The following CD47 variants were observed in gnomAD, a reference collection of about 807,000 sequenced individuals.
CD47 encodes the protein leukocyte surface antigen CD47.
In CD47, 11 loss-of-function variants were observed where a neutral mutation model predicts 44.6. The ratio of observed to expected loss-of-function variants is 0.25; its 90% CI spans 0.16 to 0.41. The LOEUF (loss-of-function observed/expected upper bound fraction) is 0.41. CD47 is among the 10% of genes least tolerant of loss of function. The probability of loss-of-function intolerance (pLI) is 1.00; values close to 1 mark genes in which losing one functional copy is unlikely to be tolerated. For synonymous variants in CD47, 140 were observed against 136.3 expected, an observed-to-expected ratio of 1.03 and a Z score of -0.19; for missense variants, 306 against 386.7, an observed-to-expected ratio of 0.79 and a Z score of 1.75.
intron 1 of CD47, among the ~76,000 whole-genome samples, chr3:108,080,913 T>C (rs2079405330): frequency 6.6e-6 from 1 of 151,774 alleles, no homozygotes; most frequent in Non-Finnish European, 1.5e-5. Context: ...TCCACTAGGA[T>C]GGAAAATCTT....
intron 7 of CD47, chr3:108,055,519 C>T (rs1373637560): frequency 7.7e-7 from 1 of 1,300,804 alleles, no homozygotes; most frequent in African/African-American, 1.5e-5. Flanking sequence ...CTTTCCTGTA[C>T]CTTGTCTCTT....
At chr3:108,051,055 C>T (rs1313768248) in intron 8 of CD47, among the ~76,000 whole-genome samples, 3 of 152,236 alleles carry the variant, frequency 2.0e-5, no homozygotes, top group Admixed American at 6.5e-5. Flanking sequence ...TTGTGACCAA[C>T]ATAGCTATGG....
At chr3:108,076,890 T>C (rs762642320) in intron 2 of CD47, among the ~76,000 whole-genome samples, 4 of 152,206 alleles carry the variant, frequency 2.6e-5, no homozygotes. Flanking sequence ...CCATCTTTAC[T>C]GTACTAAGAA....
At chr3:108,067,504 A>G (rs929670494) in intron 3 of CD47, among the ~76,000 whole-genome samples, 1 of 152,236 alleles carries the variant, frequency 6.6e-6, no homozygotes, top group Non-Finnish European at 1.5e-5. Context: ...ACTTAAAATG[A>G]TATCAGAGTG....
chr3:108,059,948 C>T (rs747909568), intron 4 of CD47, among the ~76,000 whole-genome samples: 13 of 152,174 alleles, frequency 8.5e-5, no homozygotes, highest in Non-Finnish European at 1.6e-4. Flanking sequence ...CTGCCAAGCC[C>T]ATGTTCCTAA....
intron 4 of CD47, 95 bp downstream of exon 4, chr3:108,060,650 T>C: frequency 2.6e-6 from 2 of 779,612 alleles, no homozygotes; most frequent in Non-Finnish European, 4.4e-6. Flanking sequence ...TGTGGTCATC[T>C]GTTCCAACAG....
Position 108,044,415 on chromosome 3 carries a change from CAAAAAAAAAAAAAAAAAAAAA to C in CD47, c.*2852_*2872del, listed in dbSNP as rs55777019. 1 of 34,106 alleles carries C rather than the reference CAAAAAAAAAAAAAAAAAAAAA, an allele frequency of 2.9e-5. No homozygotes were observed. Among genetic ancestry groups the C allele is most frequent in the Non-Finnish European group, 6.3e-5 (1 of 15,942 alleles). 2.1% of individuals were successfully genotyped at this position (34,106 alleles called of 1,614,324 possible). On this transcript the variant is annotated 3_prime_UTR_variant, in exon 11 of 11. Transcript: ENST00000361309. ...GGTTTTTAGAGCATGTGAAATTAGTCAAAAAAAAAAAAAAAAAAAAAAAAAAAAAAAACAAAAAAAAAAAAC... is the reference window on the plus strand; with the variant it reads ...GGTTTTTAGAGCATGTGAAATTAGTCAAAAAAAAAAACAAAAAAAAAAAAC...
chr3:108,052,750 T>C (rs2078850255), intron 7 of CD47: 2 of 152,384 alleles, frequency 1.3e-5, no homozygotes, highest in African/African-American at 2.4e-5. Flanking sequence ...AGCTCAGGCA[T>C]TCAAGACCAG....
At chr3:108,069,560 T>C (rs2079161620) in intron 3 of CD47, among the ~76,000 whole-genome samples, 1 of 151,408 alleles carries the variant, frequency 6.6e-6, no homozygotes, top group Admixed American at 6.6e-5. Flanking sequence ...CGAGGTGTTC[T>C]AAAGTGATAT....
chr3:108,083,770 T>C (rs1369556), intron 1 of CD47, among the ~76,000 whole-genome samples: 4,572 of 152,086 alleles, frequency 0.03, 214 homozygotes, highest in African/African-American at 0.097. Flanking sequence ...TTCTGCCCTT[T>C]ATCCCATACT....
intron 3 of CD47, among the ~76,000 whole-genome samples, chr3:108,070,318 G>T (rs1037765133): frequency 1.2e-4 from 19 of 152,122 alleles, no homozygotes; most frequent in Admixed American, 3.3e-4. Flanking sequence ...AAGGAAAGAA[G>T]GAATAAATCT....
Position 108,047,214 on chromosome 3 carries a change from A to G in CD47, c.*74T>C. 8.0e-7 allele frequency: 1 copy of G among 1,253,446 alleles called. No individual in the cohort carries two copies. Among genetic ancestry groups the G allele is most frequent in the Non-Finnish European group, 1.2e-6 (1 of 866,536 alleles). 77.6% of individuals were successfully genotyped at this position (1,253,446 alleles called of 1,614,324 possible). A position where few individuals can be genotyped will look rare whatever the true frequency, so the allele number is the denominator to read the frequency against. Reference sequence around the variant, plus strand: ...TCCCCAACAGTGAATCATCAAGGCCATGGTGCTTAAACACAAGTGTATTCC... The same window carrying G: ...TCCCCAACAGTGAATCATCAAGGCCGTGGTGCTTAAACACAAGTGTATTCC... On this transcript the variant is annotated 3_prime_UTR_variant, in exon 11 of 11. Transcript: ENST00000361309.
intron 4 of CD47, among the ~76,000 whole-genome samples, chr3:108,060,483 C>T (rs1478503990): frequency 6.6e-6 from 1 of 152,198 alleles, no homozygotes; most frequent in Non-Finnish European, 1.5e-5. Flanking sequence ...GAATGATAAA[C>T]ACTGTCATTC....
intron 3 of CD47, 64 bp downstream of exon 3, chr3:108,071,029 A>G (rs998174502): frequency 1.4e-6 from 1 of 703,462 alleles, no homozygotes; most frequent in Non-Finnish European, 2.4e-6. Flanking sequence ...TTTCGCTGAC[A>G]ATGTCTCGTA....
At position 108,090,937 on chromosome 3, in the gene CD47, C is replaced by T. The variant is rs1263153188; in HGVS notation, c.-29G>A. On this transcript the variant is annotated 5_prime_UTR_variant, in exon 1 of 11. Coordinates refer to ENST00000361309, the MANE Select transcript of CD47 (RefSeq NM_001777.4). ...CGCGCCCGCCGCGGGGTCGCCGCCG[C>T]CGCCGCAGGTGTCCGGAGCAGCAGC... 1.4e-6 allele frequency: 2 copies of T among 1,456,056 alleles called. No homozygotes were observed. The highest frequency in any genetic ancestry group is 1.8e-6 in the Non-Finnish European group (2 of 1,104,046). 90.2% of individuals were successfully genotyped at this position (1,456,056 alleles called of 1,614,324 possible).
At chr3:108,052,289 ACC>A in intron 7 of CD47, 1 of 266,340 alleles carries the variant, frequency 3.8e-6, no homozygotes, top group Non-Finnish European at 7.3e-6. Context: ...ACATACCCCC[ACC>A]ATGGGTGCTC....
chr3:108,073,299 A>G (rs947311800), intron 2 of CD47, among the ~76,000 whole-genome samples: 1 of 151,934 alleles, frequency 6.6e-6, no homozygotes, highest in African/African-American at 2.4e-5. Context: ...GAATATATTA[A>G]CAAAAGTAAG....
At chr3:108,069,557 T>C (rs532667774) in intron 3 of CD47, among the ~76,000 whole-genome samples, 19 of 151,804 alleles carry the variant, frequency 1.3e-4, no homozygotes, top group Admixed American at 2.6e-4. Flanking sequence ...GTACGAGGTG[T>C]TCTAAAGTGA....
chr3:108,083,257 T>C (rs1168068658), intron 1 of CD47, among the ~76,000 whole-genome samples: 1 of 152,032 alleles, frequency 6.6e-6, no homozygotes, highest in Non-Finnish European at 1.5e-5. Context: ...AGTATTAGAC[T>C]TGAAACCTTC....
Sources: gnomAD v4.1 joint callset for allele counts (sites outside exome capture counted in the v4.1 genomes callset) on GRCh38, gnomAD v4.1.1 for gene constraint, MANE v1.5 for transcripts, NCBI Gene and HGNC (gene_info 2026-07-23, HGNC 2026-07-21) for gene names.